The following OR1J2 variants were observed in gnomAD, a reference collection of about 807,000 sequenced individuals.
OR1J2 encodes the protein olfactory receptor family 1 subfamily J member 2, also known as olfactory receptor 1J2.
For missense variants in OR1J2, 304 were observed against 246.1 expected (o/e 1.24, Z -1.57); for synonymous variants, 142 against 99.7 (o/e 1.42, Z -2.52).
At chr9:122,569,124 T>C in the OR1J2 span, among the ~76,000 whole-genome samples, 1 of 152,104 alleles carries the variant, frequency 6.6e-6, no homozygotes, top group South Asian at 2.1e-4. Context: ...ACGCAGTCAA[T>C]AGAGTGATTT....
the OR1J2 span, among the ~76,000 whole-genome samples, chr9:122,566,762 G>GT: frequency 7.1e-6 from 1 of 141,456 alleles, no homozygotes; most frequent in Non-Finnish European, 1.6e-5. Flanking sequence ...TATTTCTATA[G>GT]GCTAGAGTCC....
chr9:122,526,778 A>T, the OR1J2 span: 3 of 1,614,122 alleles, frequency 1.9e-6, no homozygotes, highest in Non-Finnish European at 2.5e-6. Context: ...AAAAGTGAGC[A>T]ATTTCCCCAG....
At chr9:122,450,526 C>T in the OR1J2 span, among the ~76,000 whole-genome samples, 9 of 152,286 alleles carry the variant, frequency 5.9e-5, no homozygotes, top group African/African-American at 2.2e-4. Context: ...TACACACGTA[C>T]ACATTATGTA....
the OR1J2 span, among the ~76,000 whole-genome samples, chr9:122,534,808 T>G: frequency 6.6e-6 from 1 of 152,074 alleles, no homozygotes; most frequent in Non-Finnish European, 1.5e-5. Flanking sequence ...AGGGAGGAAC[T>G]GATGTGTAAA....
At chr9:122,534,348 G>T in the OR1J2 span, among the ~76,000 whole-genome samples, 1 of 152,070 alleles carries the variant, frequency 6.6e-6, no homozygotes. Context: ...ATGGTTTTTT[G>T]ACTTTTTAGG....
chr9:122,455,383 A>G, the OR1J2 span, among the ~76,000 whole-genome samples: 14,697 of 152,222 alleles, frequency 0.097, 858 homozygotes, highest in Admixed American at 0.16. Context: ...CATTTTGTTG[A>G]TAGCCATGAT....
the OR1J2 span, among the ~76,000 whole-genome samples, chr9:122,496,665 A>G: frequency 3.3e-5 from 5 of 152,264 alleles, no homozygotes; most frequent in South Asian, 1.0e-3. Context: ...CAAGTAACAT[A>G]TGTAAGATGA....
chr9:122,515,819 A>T (rs1828692748), downstream of OR1J2, among the ~76,000 whole-genome samples: 1 of 151,990 alleles, frequency 6.6e-6, no homozygotes, highest in African/African-American at 2.4e-5. Context: ...CTGCTTGATA[A>T]TTTCCTGCCT....
chr9:122,467,160 A>G, the OR1J2 span, among the ~76,000 whole-genome samples: 17 of 152,110 alleles, frequency 1.1e-4, no homozygotes, highest in Non-Finnish European at 2.2e-4. Context: ...TTGATGCCAC[A>G]GCAATATTTT....
At chr9:122,505,562 C>T in the OR1J2 span, among the ~76,000 whole-genome samples, 2 of 152,280 alleles carry the variant, frequency 1.3e-5, no homozygotes, top group Admixed American at 1.3e-4. Flanking sequence ...ACATTCAAAC[C>T]ATAGCATAAA....
At chr9:122,520,546 T>A in the OR1J2 span, among the ~76,000 whole-genome samples, 1 of 152,214 alleles carries the variant, frequency 6.6e-6, no homozygotes, top group Non-Finnish European at 1.5e-5. Context: ...AAAAAGCTAT[T>A]CACTGTCATA....
At chr9:122,506,156 G>A (rs1828520918), upstream of OR1J2, among the ~76,000 whole-genome samples, 1 of 152,014 alleles carries the variant, frequency 6.6e-6, no homozygotes. Flanking sequence ...AAACATGATT[G>A]GAGTCAGTAT....
chr9:122,531,394 G>A, the OR1J2 span, among the ~76,000 whole-genome samples: 4 of 152,192 alleles, frequency 2.6e-5, no homozygotes, highest in Admixed American at 6.5e-5. Flanking sequence ...AGAGCAGGGC[G>A]TGTATGAGTA....
At chr9:122,474,320 T>C in the OR1J2 span, among the ~76,000 whole-genome samples, 130 of 152,332 alleles carry the variant, frequency 8.5e-4, no homozygotes, top group African/African-American at 2.9e-3. Context: ...GAAATCCAGA[T>C]GAGATAAGCC....
At chr9:122,560,466 G>A in the OR1J2 span, among the ~76,000 whole-genome samples, 8,134 of 152,152 alleles carry the variant, frequency 0.053, 240 homozygotes, top group South Asian at 0.086. Context: ...GGCTGGTACC[G>A]GTGTTTCCTT....
chr9:122,494,413 A>G, the OR1J2 span, among the ~76,000 whole-genome samples: 3 of 152,160 alleles, frequency 2.0e-5, no homozygotes, highest in Non-Finnish European at 4.4e-5. Context: ...TTGTTGGACT[A>G]GTCCCTTTAT....
At chr9:122,512,789 T>A (rs1195667314), downstream of OR1J2, among the ~76,000 whole-genome samples, 1 of 152,248 alleles carries the variant, frequency 6.6e-6, no homozygotes, top group African/African-American at 2.4e-5. Flanking sequence ...TGTGACTTCT[T>A]GTTTCCATTA....
At chr9:122,533,825 C>T in the OR1J2 span, among the ~76,000 whole-genome samples, 1 of 152,046 alleles carries the variant, frequency 6.6e-6, no homozygotes, top group Non-Finnish European at 1.5e-5. Flanking sequence ...ACCCTCCACT[C>T]TGAGAGTTAC....
chr9:122,527,366 T>C, the OR1J2 span: 1 of 821,052 alleles, frequency 1.2e-6, no homozygotes, highest in African/African-American at 1.7e-5. Flanking sequence ...GTGGGCTGAC[T>C]CCCAAATCTC....
Sources: allele counts gnomAD v4.1 joint callset (sites outside exome capture counted in the v4.1 genomes callset), GRCh38; gene constraint gnomAD v4.1.1; transcripts MANE v1.5; gene names NCBI Gene and HGNC (gene_info 2026-07-23, HGNC 2026-07-21).